Variants in TIMM9 observed in about 807,000 individuals in gnomAD.
TIMM9 encodes translocase of inner mitochondrial membrane 9, also known as mitochondrial import inner membrane translocase subunit Tim9.
In TIMM9, 10 loss-of-function variants were observed where a neutral mutation model predicts 13.4. The observed-to-expected ratio is 0.75, with a 90% CI of 0.46 to 1.26. TIMM9 has a LOEUF of 1.26. Ranked by LOEUF, TIMM9 falls within the 50% of genes most tolerant of loss-of-function variation. The pLI, the probability that TIMM9 is intolerant of heterozygous loss-of-function variation, is 0.00. For missense variants in TIMM9, 87 were observed against 100.8 expected, an observed-to-expected ratio of 0.86 and a Z score of 0.58; for synonymous variants, 32 against 32.1, an observed-to-expected ratio of 1.00 and a Z score of 0.01.
chr14:58,426,745 C>G (rs1202865389), intron 2 of TIMM9, among the ~76,000 whole-genome samples: 2 of 152,170 alleles, frequency 1.3e-5, no homozygotes, highest in African/African-American at 4.8e-5. Context: ...GGAGGATCTT[C>G]CCCCGGGCAG....
chr14:58,415,489 A>C (rs563021711), intron 3 of TIMM9, among the ~76,000 whole-genome samples: 1 of 152,346 alleles, frequency 6.6e-6, no homozygotes, highest in South Asian at 2.1e-4. Context: ...CAAATGAAAA[A>C]ACAGAAGGTC....
intron 3 of TIMM9, among the ~76,000 whole-genome samples, chr14:58,414,293 T>C (rs2036323045): frequency 1.3e-5 from 2 of 152,180 alleles, no homozygotes; most frequent in Admixed American, 6.6e-5. Context: ...TTGAAACTAG[T>C]AGTAAATTCA....
chr14:58,418,455 C>A (rs572012199), intron 3 of TIMM9, among the ~76,000 whole-genome samples: 1 of 152,198 alleles, frequency 6.6e-6, no homozygotes, highest in Non-Finnish European at 1.5e-5. Flanking sequence ...AAGTTCTACC[C>A]AGTGCAGTGA....
intron 3 of TIMM9, among the ~76,000 whole-genome samples, chr14:58,420,708 G>A (rs1162112875): frequency 6.8e-6 from 1 of 147,922 alleles, no homozygotes; most frequent in Non-Finnish European, 1.5e-5. Flanking sequence ...CAAGAGAATT[G>A]CTTGAACCCA....
At chr14:58,411,169 C>T (rs188461600) in intron 4 of TIMM9, among the ~76,000 whole-genome samples, 2 of 152,104 alleles carry the variant, frequency 1.3e-5, no homozygotes, top group Non-Finnish European at 1.5e-5. Flanking sequence ...TATGCTTGGC[C>T]GGGTGCGGTA....
chr14:58,415,879 C>A (rs2036389305), intron 3 of TIMM9, among the ~76,000 whole-genome samples: 1 of 151,992 alleles, frequency 6.6e-6, no homozygotes, highest in African/African-American at 2.4e-5. Flanking sequence ...ACAGCATAAA[C>A]CCGATGAAAC....
Position 58,408,666 on chromosome 14 carries a change from A to T in TIMM9, c.*368T>A. 1 of 1,367,870 alleles carries T rather than the reference A, an allele frequency of 7.3e-7. No homozygotes were observed. The highest frequency in any genetic ancestry group is 1.0e-6 in the Non-Finnish European group (1 of 998,348). The allele number at this position is 1,367,870 out of a possible 1,614,324, so 84.7% of individuals were successfully genotyped here. A position where few individuals can be genotyped will look rare whatever the true frequency, so the allele number is the denominator to read the frequency against. On this transcript the variant is annotated 3_prime_UTR_variant, in exon 6 of 6. Transcript: ENST00000395159. ...CAACTGCTCAGTGATATTTCCATTT[A>T]TTTTACTTTGAGTAATAAAAATTTT...
intron 3 of TIMM9, among the ~76,000 whole-genome samples, chr14:58,413,576 C>G (rs937868874): frequency 6.6e-6 from 1 of 152,150 alleles, no homozygotes; most frequent in East Asian, 1.9e-4. Flanking sequence ...AAAAGCCTTT[C>G]TGAATTCCTG....
chr14:58,427,374 C>T lies in TIMM9; in HGVS notation c.-304+18G>A, dbSNP rs1022470831. ...TAATGACCCGAATCTGTCGAAACTT[C>T]TTGGAAGCCTAATTTACCTAATCCC... On this transcript the variant is annotated intron_variant, in intron 1 of 5. Coordinates refer to ENST00000395159, the MANE Select transcript of TIMM9 (RefSeq NM_012460.4). The T allele has an allele frequency of 1.1e-5, 5 of 459,556 alleles. No homozygotes were observed. The highest frequency in any genetic ancestry group is 2.0e-5 in the Non-Finnish European group (5 of 254,018). The allele number at this position is 459,556 out of a possible 1,614,324, so 28.5% of individuals were successfully genotyped here.
intron 3 of TIMM9, among the ~76,000 whole-genome samples, chr14:58,416,001 A>G (rs941410501): frequency 1.6e-4 from 24 of 150,704 alleles, no homozygotes; most frequent in Non-Finnish European, 3.0e-4. Context: ...GGGTCGATTG[A>G]GGTCAGGAGT....
intron 3 of TIMM9, among the ~76,000 whole-genome samples, chr14:58,418,956 A>T (rs1216227813): frequency 6.6e-6 from 1 of 152,146 alleles, no homozygotes; most frequent in South Asian, 2.1e-4. Flanking sequence ...TTTATATGGA[A>T]ATTTATATAA....
At chr14:58,415,400 T>C (rs1005647107) in intron 3 of TIMM9, among the ~76,000 whole-genome samples, 1 of 152,090 alleles carries the variant, frequency 6.6e-6, no homozygotes, top group South Asian at 2.1e-4. Context: ...TTGATTAATA[T>C]GTGTTAGGAT....
chr14:58,408,553 C>G lies in TIMM9; in HGVS notation c.*481G>C. The G allele has an allele frequency of 6.2e-7, 1 of 1,613,920 alleles. No homozygotes were observed. The highest frequency in any genetic ancestry group is 1.1e-5 in the South Asian group (1 of 91,038). On this transcript the variant is annotated 3_prime_UTR_variant, in exon 6 of 6. Coordinates refer to ENST00000395159, the MANE Select transcript of TIMM9 (RefSeq NM_012460.4). ...GCAATTTGAGGCAGACATGAATGAA[C>G]AGGACTGCTTGGAGGATGATCCTGA...
chr14:58,424,348 T>C (rs185087163), intron 2 of TIMM9, among the ~76,000 whole-genome samples: 18 of 152,314 alleles, frequency 1.2e-4, no homozygotes, highest in African/African-American at 4.3e-4. Flanking sequence ...ATGATTTTCC[T>C]ACTAATTCTG....
At chr14:58,417,030 G>A (rs2036432195) in intron 3 of TIMM9, among the ~76,000 whole-genome samples, 1 of 152,082 alleles carries the variant, frequency 6.6e-6, no homozygotes, top group Non-Finnish European at 1.5e-5. Flanking sequence ...TTCCCATGCT[G>A]TTCTCATGAT....
chr14:58,422,794 C>T (rs892286185), intron 3 of TIMM9, among the ~76,000 whole-genome samples: 13 of 151,850 alleles, frequency 8.6e-5, no homozygotes, highest in African/African-American at 2.4e-4. Context: ...TATTTATTTA[C>T]TTATTTTTGA....
chr14:58,414,531 AGTT>A (rs1177054590), intron 3 of TIMM9, among the ~76,000 whole-genome samples: 1 of 151,928 alleles, frequency 6.6e-6, no homozygotes, highest in African/African-American at 2.4e-5. Context: ...TGAGGTCAAG[AGTT>A]GGAGACAAGC....
At position 58,408,734 on chromosome 14, in the gene TIMM9, AAC is replaced by A. The variant is rs1225729159; in HGVS notation, c.*298_*299del. 3.4e-5 allele frequency: 26 copies of A among 774,176 alleles called. No homozygotes were observed. Among genetic ancestry groups the A allele is most frequent in the African/African-American group, 5.4e-5 (3 of 55,188 alleles). 48.0% of individuals were successfully genotyped at this position (774,176 alleles called of 1,614,324 possible). On this transcript the variant is annotated 3_prime_UTR_variant, in exon 6 of 6. Coordinates refer to ENST00000395159, the MANE Select transcript of TIMM9 (RefSeq NM_012460.4). ...CGAACACATAAGTTGCTTTAAAATT[AAC>A]AGTCACAATTGAAGAAACAATGGTT...
chr14:58,416,337 G>T (rs2036408470), intron 3 of TIMM9, among the ~76,000 whole-genome samples: 1 of 152,206 alleles, frequency 6.6e-6, no homozygotes, highest in South Asian at 2.1e-4. Flanking sequence ...CCATTAGGAT[G>T]AAAGCAGATT....
Sources: allele counts gnomAD v4.1 joint callset (sites outside exome capture counted in the v4.1 genomes callset), GRCh38; gene constraint gnomAD v4.1.1; transcripts MANE v1.5; gene names NCBI Gene and HGNC (gene_info 2026-07-23, HGNC 2026-07-21).